Variants in GRIK4 observed in about 807,000 individuals in gnomAD.
GRIK4 encodes the protein glutamate receptor ionotropic, kainate 4.
A neutral mutation model predicts 104.9 loss-of-function variants in GRIK4; 40 were observed. The ratio of observed to expected loss-of-function variants is 0.38; its 90% CI spans 0.30 to 0.50. The LOEUF is 0.50. Ranked by LOEUF, GRIK4 falls within the 20% of genes least tolerant of loss-of-function variation. GRIK4 has a pLI of 0.93. For missense variants in GRIK4, 1,047 were observed against 1,308.1 expected, an observed-to-expected ratio of 0.80 and a Z score of 3.08; for synonymous variants, 485 against 524.9, an observed-to-expected ratio of 0.92 and a Z score of 1.04.
chr11:120,719,126 A>G (rs1461065759), intron 3 of GRIK4, among the ~76,000 whole-genome samples: 1 of 150,468 alleles, frequency 6.6e-6, no homozygotes, highest in Non-Finnish European at 1.5e-5. Flanking sequence ...TTAAATAAAC[A>G]AGATTTTAAA....
chr11:120,672,003 T>C (rs1397326869), intron 3 of GRIK4, among the ~76,000 whole-genome samples: 1 of 152,224 alleles, frequency 6.6e-6, no homozygotes, highest in African/African-American at 2.4e-5. Context: ...TTGGCACCAG[T>C]ACCATGCTGT....
intron 3 of GRIK4, among the ~76,000 whole-genome samples, chr11:120,694,671 G>A (rs1257780132): frequency 6.6e-6 from 1 of 152,174 alleles, no homozygotes; most frequent in Non-Finnish European, 1.5e-5. Flanking sequence ...GCCCAGCCTT[G>A]GGTGCAGGAG....
intron 11 of GRIK4, among the ~76,000 whole-genome samples, chr11:120,891,782 A>T (rs1411045890): frequency 6.6e-6 from 1 of 152,154 alleles, no homozygotes; most frequent in Non-Finnish European, 1.5e-5. Context: ...GAGGAGTCCG[A>T]CTTTGAGGGA....
At chr11:120,795,367 C>A (rs1311888134) in intron 3 of GRIK4, among the ~76,000 whole-genome samples, 5 of 152,278 alleles carry the variant, frequency 3.3e-5, no homozygotes, top group Admixed American at 6.5e-5. Context: ...CCCCGGGGGA[C>A]CCTGGAGGCC....
intron 3 of GRIK4, among the ~76,000 whole-genome samples, chr11:120,700,878 CCATCGCAGCCGGCCATATTACTG>C (rs1950541626): frequency 6.6e-6 from 1 of 152,178 alleles, no homozygotes; most frequent in South Asian, 2.1e-4. Flanking sequence ...CAGATGTGAG[CCATCGCAGCCGGCCATATTACTG>C]CATTTTTACT....
intron 1 of GRIK4, among the ~76,000 whole-genome samples, chr11:120,548,930 G>A (rs1489816053): frequency 8.5e-5 from 13 of 152,176 alleles, no homozygotes; most frequent in Non-Finnish European, 1.3e-4. Flanking sequence ...GAGACCATAC[G>A]GTGCCTGTCT....
At chr11:120,891,564 A>G (rs981370613) in intron 11 of GRIK4, among the ~76,000 whole-genome samples, 1 of 152,236 alleles carries the variant, frequency 6.6e-6, no homozygotes, top group Non-Finnish European at 1.5e-5. Context: ...ATGAGATTCT[A>G]CAGGCAATGT....
At chr11:120,605,066 G>A (rs981579765) in intron 1 of GRIK4, among the ~76,000 whole-genome samples, 1 of 152,180 alleles carries the variant, frequency 6.6e-6, no homozygotes, top group Non-Finnish European at 1.5e-5. Flanking sequence ...GAACTCCTGG[G>A]CTCAAGCAAC....
chr11:120,711,982 T>G (rs1272987097), intron 3 of GRIK4, among the ~76,000 whole-genome samples: 1 of 138,496 alleles, frequency 7.2e-6, no homozygotes, highest in Non-Finnish European at 1.5e-5. Flanking sequence ...GAAATGATTA[T>G]TATACACTGC....
chr11:120,779,515 T>C (rs769546305), intron 3 of GRIK4, among the ~76,000 whole-genome samples: 6 of 152,206 alleles, frequency 3.9e-5, no homozygotes, highest in African/African-American at 1.4e-4. Flanking sequence ...CACACCATTC[T>C]GGAACAAGGG....
chr11:120,897,706 A>G (rs182039960), intron 11 of GRIK4, among the ~76,000 whole-genome samples: 2 of 151,964 alleles, frequency 1.3e-5, no homozygotes, highest in Admixed American at 6.6e-5. Flanking sequence ...TAGAGAGAGA[A>G]AACGAAAGAC....
intron 1 of GRIK4, among the ~76,000 whole-genome samples, chr11:120,526,742 G>GA (rs1430895295): frequency 3.3e-5 from 5 of 152,324 alleles, no homozygotes; most frequent in African/African-American, 1.2e-4. Flanking sequence ...TGAGGCAGGA[G>GA]AATCACTTGA....
intron 1 of GRIK4, among the ~76,000 whole-genome samples, chr11:120,539,422 TGC>T (rs753243930): frequency 1.2e-4 from 19 of 152,238 alleles, no homozygotes; most frequent in Non-Finnish European, 2.6e-4. Context: ...GAACCACTTG[TGC>T]GAACATGATC....
chr11:120,611,322 C>T (rs1366633055), intron 1 of GRIK4, among the ~76,000 whole-genome samples: 1 of 152,106 alleles, frequency 6.6e-6, no homozygotes, highest in Non-Finnish European at 1.5e-5. Flanking sequence ...CTTAGTATCT[C>T]CATCTGTCAA....
At chr11:120,719,246 A>T (rs933859274) in intron 3 of GRIK4, among the ~76,000 whole-genome samples, 1 of 152,190 alleles carries the variant, frequency 6.6e-6, no homozygotes, top group Non-Finnish European at 1.5e-5. Context: ...AAGCTTTTAA[A>T]AATAATAGGC....
At chr11:120,569,334 A>G (rs11601826) in intron 1 of GRIK4, among the ~76,000 whole-genome samples, 48,927 of 152,208 alleles carry the variant, frequency 0.32, 9,807 homozygotes, top group Non-Finnish European at 0.45. Flanking sequence ...ACTATGACCA[A>G]TGATGATAAT....
At chr11:120,736,511 G>A (rs928993799) in intron 3 of GRIK4, among the ~76,000 whole-genome samples, 1 of 152,036 alleles carries the variant, frequency 6.6e-6, no homozygotes, top group African/African-American at 2.4e-5. Context: ...ATTTTACACT[G>A]TTTTGGTAAT....
At chr11:120,655,549 C>A (rs1949693495) in intron 2 of GRIK4, among the ~76,000 whole-genome samples, 1 of 152,184 alleles carries the variant, frequency 6.6e-6, no homozygotes, top group African/African-American at 2.4e-5. Flanking sequence ...CTGTAAGAAG[C>A]CCCTGGCTGC....
chr11:120,871,537 G>A (rs1283859282), intron 9 of GRIK4: 1 of 454,654 alleles, frequency 2.2e-6, no homozygotes, highest in Non-Finnish European at 4.4e-6. Flanking sequence ...GGTGTGCACT[G>A]TTCCCCATGG....
Sources: gnomAD v4.1 joint callset for allele counts (sites outside exome capture counted in the v4.1 genomes callset) on GRCh38, gnomAD v4.1.1 for gene constraint, MANE v1.5 for transcripts, NCBI Gene and HGNC (gene_info 2026-07-23, HGNC 2026-07-21) for gene names.